Variants in ODF4 observed in about 807,000 individuals in gnomAD.
ODF4 encodes outer dense fiber of sperm tails 4.
Under a neutral mutation model 17.0 loss-of-function variants are expected in ODF4, and 11 were observed. That is an observed-to-expected ratio of 0.65 (90% confidence interval 0.41 to 1.07). ODF4 has a LOEUF of 1.07. ODF4 is among the 50% of genes least tolerant of loss of function. The probability of loss-of-function intolerance (pLI) is 0.00; values close to 1 mark genes in which losing one functional copy is unlikely to be tolerated. For synonymous variants in ODF4, 127 were observed against 121.8 expected (o/e 1.04, Z -0.28); for missense variants, 281 against 310.2 (o/e 0.91, Z 0.71).
At chr17:8,344,591 C>T (rs62064307) in intron 1 of ODF4, among the ~76,000 whole-genome samples, 1 of 122,426 alleles carries the variant, frequency 8.2e-6, no homozygotes, top group East Asian at 2.3e-4. Context: ...CAGGTTCAAG[C>T]GATTCTCCTG....
rs1906209581 is a variant in ODF4 at position 8,345,545 on chromosome 17, G to A, written c.589+68G>A. On this transcript the variant is annotated intron_variant, in intron 2 of 2. Coordinates refer to ENST00000328248, the MANE Select transcript of ODF4 (RefSeq NM_153007.5). The surrounding 1 kb of genome is among the most constrained non-coding windows in gnomAD (Gnocchi z 4.1). ...AGGGTAGGGCAGGGAAAGTGTGGAGGGAAGAGGCTGGCAATCCCCAGGGCT... is the reference window on the plus strand; with the variant it reads ...AGGGTAGGGCAGGGAAAGTGTGGAGAGAAGAGGCTGGCAATCCCCAGGGCT... The A allele has an allele frequency of 1.3e-6, 2 of 1,571,470 alleles. No homozygotes were observed. The highest frequency in any genetic ancestry group is 1.7e-6 in the Non-Finnish European group (2 of 1,148,326).
Position 8,345,819 on chromosome 17 carries a change from C to A in ODF4, c.741C>A (p.Val247=). The A allele has an allele frequency of 1.9e-6, 3 of 1,614,086 alleles. No homozygotes were observed. The highest frequency in any genetic ancestry group is 2.5e-6 in the Non-Finnish European group (3 of 1,179,994). The change falls in exon 3 of 3, where the codon GTC becomes GTA. Residue 247 remains valine (V), a synonymous_variant. Transcript: ENST00000328248. This position sits in a 1 kb window ranked among gnomAD's most constrained non-coding sequence, Gnocchi z 4.1. ...ITDTPITQEG[V]LDPEQKDTHV is the part of the protein sequence containing the mutation. ...ACACCCCCATCACCCAGGAGGGAGTCCTGGATCCTGAGCAGAAGGATACAC... is the reference window on the plus strand; with the variant it reads ...ACACCCCCATCACCCAGGAGGGAGTACTGGATCCTGAGCAGAAGGATACAC...
In ODF4 at chr17:8,340,137, G is replaced by C; in HGVS notation, c.86G>C (p.Ser29Thr). The part of the protein sequence containing the change: ...QHQRPGKERK[S>T]GEAGWGTGEL... ...CAGAGACCTGGAAAGGAAAGGAAGA[G>C]TGGGGAGGCAGGATGGGGCACAGGT... The change falls in exon 1 of 3, where the codon AGT becomes ACT. Residue 29 changes from serine to threonine, a missense_variant. By Grantham distance (58) the Ser-to-Thr change is moderately conservative (BLOSUM62 1). Transcript: ENST00000328248. The C allele has an allele frequency of 2.6e-6, 4 of 1,566,042 alleles. No individual in the cohort carries two copies. The highest frequency in any genetic ancestry group is 1.2e-5 in the South Asian group (1 of 82,016).
Position 8,345,334 on chromosome 17 carries a change from G to A in ODF4, c.455-9G>A. ...ATGACAATGAGACCCTCTGCCTCCT[G>A]TCTCCTAGTCACCTTCATCTTCTCC... On this transcript the variant is annotated splice_polypyrimidine_tract_variant and intron_variant, in intron 1 of 2. Transcript: ENST00000328248. This position sits in a 1 kb window ranked among gnomAD's most constrained non-coding sequence, Gnocchi z 4.1. The A allele has an allele frequency of 6.2e-7, 1 of 1,612,374 alleles. No homozygotes were observed. The highest frequency in any genetic ancestry group is 8.5e-7 in the Non-Finnish European group (1 of 1,178,908).
In ODF4 at chr17:8,339,914, G is replaced by A; in HGVS notation, c.-138G>A. ...GATCAAGAGTCTCTTATTTGATCGA[G>A]GTCTGTTATTAGACTTCCTCATTCT... On this transcript the variant is annotated 5_prime_UTR_variant, in exon 1 of 3. Coordinates refer to ENST00000328248, the MANE Select transcript of ODF4 (RefSeq NM_153007.5). 1 of 535,012 alleles carries A rather than the reference G, an allele frequency of 1.9e-6. No homozygotes were observed. Among genetic ancestry groups the A allele is most frequent in the Non-Finnish European group, 3.2e-6 (1 of 311,488 alleles). 33.1% of individuals were successfully genotyped at this position (535,012 alleles called of 1,614,324 possible). A position where few individuals can be genotyped will look rare whatever the true frequency, so the allele number is the denominator to read the frequency against.
At position 8,345,048 on chromosome 17, in the gene ODF4, T is replaced by G; in HGVS notation, c.455-295T>G. 1 of 1,105,344 alleles carries G rather than the reference T, an allele frequency of 9.0e-7. No individual in the cohort carries two copies. 68.5% of individuals were successfully genotyped at this position (1,105,344 alleles called of 1,614,324 possible). On this transcript the variant is annotated intron_variant, in intron 1 of 2. Transcript: ENST00000328248. This position sits in a 1 kb window ranked among gnomAD's most constrained non-coding sequence, Gnocchi z 4.1. ...CATCTTGAGCTTCTGTGAAGGTGCC[T>G]CCTAGCTCTGGAAAGGTCCTTTGTT...
Position 8,343,834 on chromosome 17 carries a change from G to A in ODF4, c.455-1509G>A, listed in dbSNP as rs1178675391. Among the ~76,000 whole-genome samples, 6 of 116,228 alleles carry A rather than the reference G, an allele frequency of 5.2e-5. 1 individual carries two copies. The highest frequency in any genetic ancestry group is 1.1e-4 in the Non-Finnish European group (6 of 56,224). The allele number at this position is 116,228 out of a possible 152,430, so 76.3% of individuals were successfully genotyped here. On this transcript the variant is annotated intron_variant, in intron 1 of 2. Transcript: ENST00000328248. ...CAGCCAAGTGTGTGTGTGTGTGTGT[G>A]TGTGTGTGTGTGTGTCTATATATAT...
At chr17:8,343,193 A>G (rs937304733) in intron 1 of ODF4, among the ~76,000 whole-genome samples, 3 of 149,022 alleles carry the variant, frequency 2.0e-5, no homozygotes, top group African/African-American at 7.5e-5. Flanking sequence ...GTGCAGTGGC[A>G]TGATCTCGGC....
chr17:8,344,646 GCCC>G, intron 1 of ODF4, among the ~76,000 whole-genome samples: 1 of 66,756 alleles, frequency 1.5e-5, no homozygotes, highest in Middle Eastern at 9.3e-3. Flanking sequence ...GCACCACCAT[GCCC>G]AGCTAATTTT....
chr17:8,342,195 T>C (rs1332779583), intron 1 of ODF4, among the ~76,000 whole-genome samples: 1 of 152,180 alleles, frequency 6.6e-6, no homozygotes, highest in Non-Finnish European at 1.5e-5. Context: ...AAAACTCACA[T>C]AGGCGCCTTG....
rs1906188446 is a variant in ODF4 at position 8,345,297 on chromosome 17, T to C, written c.455-46T>C. 2 of 1,577,438 alleles carry C rather than the reference T, an allele frequency of 1.3e-6. No homozygotes were observed. The highest frequency in any genetic ancestry group is 3.4e-5 in the Admixed American group (2 of 58,626). ...CTAGCAGATGAGGAAGAACCTCCTG[T>C]GGGACTCTTGTATGACAATGAGACC... is the stretch of plus-strand genomic sequence containing the variant. On this transcript the variant is annotated intron_variant, in intron 1 of 2. Transcript: ENST00000328248. This position sits in a 1 kb window ranked among gnomAD's most constrained non-coding sequence, Gnocchi z 4.1.
At chr17:8,341,031 A>G (rs1339445030) in intron 1 of ODF4, among the ~76,000 whole-genome samples, 1 of 152,294 alleles carries the variant, frequency 6.6e-6, no homozygotes, top group East Asian at 1.9e-4. Context: ...TCTACTAAAA[A>G]TACAAAAAAT....
chr17:8,344,417 G>A (rs1191712947), intron 1 of ODF4, among the ~76,000 whole-genome samples: 1 of 128,518 alleles, frequency 7.8e-6, no homozygotes, highest in Non-Finnish European at 1.7e-5. Flanking sequence ...GATTGTTTAA[G>A]AAGTGAAAGC....
chr17:8,345,519 T>TACCC lies in ODF4; in HGVS notation c.589+43_589+44insCCCA. ...CCCTGGGGGAAGGAAGCGACATGGG[T>TACCC]AGGGTAGGGCAGGGAAAGTGTGGAG... On this transcript the variant is annotated intron_variant, in intron 2 of 2. Transcript: ENST00000328248. The surrounding 1 kb of genome is among the most constrained non-coding windows in gnomAD (Gnocchi z 4.1). The TACCC allele has an allele frequency of 6.2e-7, 1 of 1,606,606 alleles. No homozygotes were observed. Among genetic ancestry groups the TACCC allele is most frequent in the Non-Finnish European group, 8.5e-7 (1 of 1,174,842 alleles).
chr17:8,344,407 G>T (rs1223264859), intron 1 of ODF4, among the ~76,000 whole-genome samples: 2 of 128,400 alleles, frequency 1.6e-5, no homozygotes, highest in East Asian at 4.5e-4. Context: ...AAGGATCTCG[G>T]ATTGTTTAAG....
intron 1 of ODF4, among the ~76,000 whole-genome samples, chr17:8,342,087 C>A (rs964978812): frequency 6.6e-6 from 1 of 152,050 alleles, no homozygotes; most frequent in Non-Finnish European, 1.5e-5. Context: ...AAATGACATG[C>A]TAATATTTGA....
In ODF4 at chr17:8,344,786, G is replaced by A. The variant is rs367964052; in HGVS notation, c.455-557G>A. On this transcript the variant is annotated intron_variant, in intron 1 of 2. Transcript: ENST00000328248. ...ACAGGCGTGAGTCACCGCGCCTGGC[G>A]GTACATTTTCTTGTATTTGCTCATT... The A allele has an allele frequency of 1.1e-4, 89 of 822,528 alleles. No homozygotes were observed. In the East Asian group the frequency reaches 2.2e-3, roughly 21 times the overall value. 51.0% of individuals were successfully genotyped at this position (822,528 alleles called of 1,614,324 possible). A position where few individuals can be genotyped will look rare whatever the true frequency, so the allele number is the denominator to read the frequency against.
At position 8,345,556 on chromosome 17, in the gene ODF4, G is replaced by T. The variant is rs1414621310; in HGVS notation, c.589+79G>T. 1.3e-6 allele frequency: 2 copies of T among 1,555,052 alleles called. No homozygotes were observed. Among genetic ancestry groups the T allele is most frequent in the Non-Finnish European group, 1.8e-6 (2 of 1,135,334 alleles). ...GGGAAAGTGTGGAGGGAAGAGGCTG[G>T]CAATCCCCAGGGCTAGATTTTTAGG... is the stretch of plus-strand genomic sequence containing the variant. On this transcript the variant is annotated intron_variant, in intron 2 of 2. Coordinates refer to ENST00000328248, the MANE Select transcript of ODF4 (RefSeq NM_153007.5). The surrounding 1 kb of genome is among the most constrained non-coding windows in gnomAD (Gnocchi z 4.1).
rs1597477253 is a variant in ODF4 at position 8,344,499 on chromosome 17, T to C, written c.455-844T>C. On this transcript the variant is annotated intron_variant, in intron 1 of 2. Coordinates refer to ENST00000328248, the MANE Select transcript of ODF4 (RefSeq NM_153007.5). Reference sequence around the variant, plus strand: ...GGTCTGTACATTTTCTTTCTGTCTTTTTTGTTTTTTGTTTTTTGCAGGCGG... The same window carrying C: ...GGTCTGTACATTTTCTTTCTGTCTTCTTTGTTTTTTGTTTTTTGCAGGCGG... Among the ~76,000 whole-genome samples the C allele has an allele frequency of 1.6e-5, 2 of 126,718 alleles. 1 individual carries two copies. Among genetic ancestry groups the C allele is most frequent in the East Asian group, 4.5e-4 (2 of 4,398 alleles). 83.1% of individuals were successfully genotyped at this position (126,718 alleles called of 152,430 possible).
Sources: gnomAD v4.1 joint callset for allele counts (sites outside exome capture counted in the v4.1 genomes callset) on GRCh38, gnomAD v4.1.1 for gene constraint, Gnocchi (gnomAD v3.1) non-coding constraint, MANE v1.5 for transcripts, NCBI Gene and HGNC (gene_info 2026-07-23, HGNC 2026-07-21) for gene names.